The following KIAA1549L variants were observed in gnomAD, a reference collection of about 807,000 sequenced individuals.
KIAA1549L encodes KIAA1549 like, also known as UPF0606 protein KIAA1549L.
In KIAA1549L, 88 loss-of-function variants were observed where a neutral mutation model predicts 160.7. The ratio of observed to expected loss-of-function variants is 0.55; its 90% confidence interval spans 0.46 to 0.65. KIAA1549L has a LOEUF of 0.65. Ranked by LOEUF, KIAA1549L falls within the 30% of genes least tolerant of loss-of-function variation. The probability of loss-of-function intolerance (pLI) is 0.00; values close to 1 mark genes in which losing one functional copy is unlikely to be tolerated. For synonymous variants in KIAA1549L, 950 were observed against 976.7 expected, an observed-to-expected ratio of 0.97 and a Z score of 0.51; for missense variants, 2,258 against 2,437.5, an observed-to-expected ratio of 0.93 and a Z score of 1.55.
chr11:33,617,371 C>G (rs542443168), intron 15 of KIAA1549L, among the ~76,000 whole-genome samples: 1 of 152,200 alleles, frequency 6.6e-6, no homozygotes, highest in Admixed American at 6.5e-5. Context: ...TATTTACTTC[C>G]CACTCTTTGA....
chr11:33,411,423 C>T (rs1850782856), intron 1 of KIAA1549L, among the ~76,000 whole-genome samples: 1 of 152,132 alleles, frequency 6.6e-6, no homozygotes, highest in Admixed American at 6.5e-5. Flanking sequence ...TCCAGAACTC[C>T]ACAGGTGATT....
chr11:33,543,621 C>G lies in KIAA1549L; in HGVS notation c.2058C>G (p.Asp686Glu), dbSNP rs750352146. 6.2e-7 allele frequency: 1 copy of G among 1,613,808 alleles called. No homozygotes were observed. The highest frequency in any genetic ancestry group is 8.5e-7 in the Non-Finnish European group (1 of 1,179,836). Residue 686 changes from aspartate to glutamate, a missense_variant, in exon 2 of 21, where the codon GAC becomes GAG. By Grantham distance (45) the Asp-to-Glu change is conservative. Transcript: ENST00000658780. ...TATATGATTCCTTAACAATAGGAGA[C>G]ATGAAAAAGCCAGCAACCACAGATG... ...MDVYDSLTIGDMKKPATTDVF... is the reference protein window; with the variant it reads ...MDVYDSLTIGEMKKPATTDVF...
chr11:33,588,051 G>A (rs117743024), intron 11 of KIAA1549L, among the ~76,000 whole-genome samples: 25 of 152,302 alleles, frequency 1.6e-4, no homozygotes, highest in African/African-American at 4.8e-4. Flanking sequence ...GTGAGCCTGC[G>A]TAAGCTGCTT....
At chr11:33,579,761 G>C (rs893239739) in intron 10 of KIAA1549L, among the ~76,000 whole-genome samples, 2 of 152,144 alleles carry the variant, frequency 1.3e-5, no homozygotes, top group African/African-American at 4.8e-5. Flanking sequence ...ATGAGTGCCT[G>C]GTGAAGGAAC....
chr11:33,412,498 C>T (rs1361135852), intron 1 of KIAA1549L, among the ~76,000 whole-genome samples: 1 of 152,192 alleles, frequency 6.6e-6, no homozygotes, highest in Non-Finnish European at 1.5e-5. Flanking sequence ...GAGTATGCTA[C>T]CATGAGGCAA....
At chr11:33,460,453 G>A (rs751345428) in intron 1 of KIAA1549L, among the ~76,000 whole-genome samples, 7 of 152,312 alleles carry the variant, frequency 4.6e-5, no homozygotes, top group Admixed American at 2.0e-4. Context: ...CCATATGGGC[G>A]TGAGTGAGTT....
At chr11:33,654,183 A>C (rs1851983241) in intron 17 of KIAA1549L, among the ~76,000 whole-genome samples, 1 of 151,552 alleles carries the variant, frequency 6.6e-6, no homozygotes, top group South Asian at 2.1e-4. Context: ...CATGTTAGCC[A>C]GGATGGTTTC....
At chr11:33,456,069 TA>T (rs1415353399) in intron 1 of KIAA1549L, among the ~76,000 whole-genome samples, 1 of 152,196 alleles carries the variant, frequency 6.6e-6, no homozygotes, top group African/African-American at 2.4e-5. Flanking sequence ...GGCATTCAAT[TA>T]CAGCCAAGGG....
In KIAA1549L at chr11:33,543,893, T is replaced by C; in HGVS notation, c.2330T>C (p.Leu777Pro). 6.2e-7 allele frequency: 1 copy of C among 1,614,050 alleles called. No individual in the cohort carries two copies. The highest frequency in any genetic ancestry group is 8.5e-7 in the Non-Finnish European group (1 of 1,179,896). ...GCAGAAGGGTTTAGTATTCAGGATC[T>C]AGTCCTCGGTACAAGCATTGAGCAG... The part of the protein sequence containing the change: ...VTAEGFSIQD[L>P]VLGTSIEQPV... The change falls in exon 2 of 21, where the codon CTA (leucine) becomes CCA (proline). Residue 777 changes from leucine (L) to proline (P), a missense_variant. This residue lies in a region of KIAA1549L where 287 missense variants were observed against 292.3 expected (regional missense o/e 0.98). Transcript: ENST00000658780.
intron 17 of KIAA1549L, among the ~76,000 whole-genome samples, chr11:33,654,692 C>G (rs916244627): frequency 2.0e-5 from 3 of 152,174 alleles, no homozygotes; most frequent in African/African-American, 7.2e-5. Flanking sequence ...CTTCGCCATT[C>G]GTATTTGCTT....
chr11:33,393,642 A>G (rs1012179606), intron 1 of KIAA1549L, among the ~76,000 whole-genome samples: 3 of 152,240 alleles, frequency 2.0e-5, no homozygotes, highest in Non-Finnish European at 4.4e-5. Context: ...AGCACTAAGG[A>G]ACAACCGAGG....
Position 33,589,592 on chromosome 11 carries a change from A to T in KIAA1549L, c.4567-1645A>T, listed in dbSNP as rs187233791. ...AATACTATGCAGCCATAAAAAATGA[A>T]GAGTTCATGTCCTTTGTAGGGACAT... On this transcript the variant is annotated intron_variant, in intron 11 of 20. Coordinates refer to ENST00000658780, the MANE Select transcript of KIAA1549L (RefSeq NM_012194.3). Among the ~76,000 whole-genome samples the T allele has an allele frequency of 9.1e-3, 1,382 of 152,304 alleles. 23 individuals are homozygous for T. The highest frequency in any genetic ancestry group is 0.031 in the African/African-American group (1,305 of 41,556).
intron 1 of KIAA1549L, among the ~76,000 whole-genome samples, chr11:33,460,739 A>G (rs2132997673): frequency 6.6e-6 from 1 of 152,342 alleles, no homozygotes; most frequent in African/African-American, 2.4e-5. Flanking sequence ...TGCTTCTGCT[A>G]AATAAATACA....
chr11:33,456,433 C>G (rs1351753241), intron 1 of KIAA1549L, among the ~76,000 whole-genome samples: 1 of 152,040 alleles, frequency 6.6e-6, no homozygotes, highest in African/African-American at 2.4e-5. Flanking sequence ...TTTTGTGAGA[C>G]AGGGTCTCAC....
At chr11:33,470,490 A>G (rs1220478098) in intron 1 of KIAA1549L, among the ~76,000 whole-genome samples, 1 of 151,964 alleles carries the variant, frequency 6.6e-6, no homozygotes, top group Non-Finnish European at 1.5e-5. Flanking sequence ...CTTTTGCCCA[A>G]GCAGAAGTGC....
intron 1 of KIAA1549L, among the ~76,000 whole-genome samples, chr11:33,506,336 C>T (rs1853087683): frequency 6.6e-6 from 1 of 152,168 alleles, no homozygotes; most frequent in South Asian, 2.1e-4. Context: ...AAAGCACATG[C>T]TGGGGCTGCA....
intron 1 of KIAA1549L, among the ~76,000 whole-genome samples, chr11:33,482,615 T>A (rs572347354): frequency 6.7e-6 from 1 of 149,304 alleles, no homozygotes; most frequent in Non-Finnish European, 1.5e-5. Flanking sequence ...TCGCCCAGGC[T>A]GGAGTGCGGT....
rs186092356 is a variant in KIAA1549L at position 33,530,170 on chromosome 11, G to A, written c.239-11632G>A. Among the ~76,000 whole-genome samples the A allele has an allele frequency of 9.3e-4, 140 of 150,836 alleles. 1 individual carries two copies. The East Asian group carries it at 0.022, about 24-fold the overall frequency. ...AGCACTTTGGGAGGCTGAGGCGGGT[G>A]GATCATGAGGTCAGGAGATCGAGAC... On this transcript the variant is annotated intron_variant, in intron 1 of 20. Transcript: ENST00000658780.
At chr11:33,553,767 A>G (rs912833569) in intron 6 of KIAA1549L, among the ~76,000 whole-genome samples, 1 of 152,188 alleles carries the variant, frequency 6.6e-6, no homozygotes. Context: ...TGTATTCAGG[A>G]AGCACAGACT....
Sources: gnomAD v4.1 joint callset for allele counts (sites outside exome capture counted in the v4.1 genomes callset) on GRCh38, gnomAD v4.1.1 for gene constraint, gnomAD v4.1.1 regional missense constraint, MANE v1.5 for transcripts, NCBI Gene and HGNC (gene_info 2026-07-23, HGNC 2026-07-21) for gene names.